LUC7L: variants seen among roughly 807,000 people sequenced by gnomAD.
LUC7L encodes LUC7 like, also known as putative RNA-binding protein Luc7-like 1.
Under a neutral mutation model 51.1 loss-of-function variants are expected in LUC7L, and 29 were observed. That is an observed-to-expected ratio of 0.57 (90% CI 0.42 to 0.77). LUC7L has a LOEUF of 0.77. Ranked by LOEUF, LUC7L falls within the 30% of genes least tolerant of loss-of-function variation. The probability of loss-of-function intolerance (pLI) is 0.00; values close to 1 mark genes in which losing one functional copy is unlikely to be tolerated. For synonymous variants in LUC7L, 181 were observed against 180.7 expected, an observed-to-expected ratio of 1.00 and a Z score of -0.01; for missense variants, 403 against 511.9, an observed-to-expected ratio of 0.79 and a Z score of 2.05.
intron 1 of LUC7L, chr16:229,064 G>A (rs2050203192): frequency 2.8e-6 from 4 of 1,416,110 alleles, no homozygotes; most frequent in Non-Finnish European, 3.7e-6. Context: ...CCATGGCGCA[G>A]ACTCCGAGAG....
intron 5 of LUC7L, among the ~76,000 whole-genome samples, chr16:205,611 A>G (rs2049460137): frequency 3.3e-5 from 5 of 152,092 alleles, no homozygotes. Flanking sequence ...TTTTTTTGAG[A>G]CAGAGTCTCG....
At chr16:207,330 C>A (rs1436012196) in intron 4 of LUC7L, among the ~76,000 whole-genome samples, 1 of 152,006 alleles carries the variant, frequency 6.6e-6, no homozygotes, top group African/African-American at 2.4e-5. Context: ...TCAAGTGATC[C>A]TCCCACCTCA....
At chr16:223,761 C>T (rs1377362703) in intron 2 of LUC7L, among the ~76,000 whole-genome samples, 1 of 151,950 alleles carries the variant, frequency 6.6e-6, no homozygotes, top group Admixed American at 6.6e-5. Flanking sequence ...CCTCTGCCTC[C>T]CAGATTCAAG....
chr16:190,588 A>G lies in LUC7L; in HGVS notation c.777-18T>C. On this transcript the variant is annotated intron_variant, in intron 7 of 9. Transcript: ENST00000293872. The stretch of plus-strand genomic sequence containing the variant: ...ATCCCGACCTAAAAGGGGGAAAAAA[A>G]GATGAACAAGGCCAGGCATGGTGGC... 1.9e-6 allele frequency: 3 copies of G among 1,612,016 alleles called. No homozygotes were observed. The highest frequency in any genetic ancestry group is 2.5e-6 in the Non-Finnish European group (3 of 1,179,458).
At chr16:203,097 G>A (rs1378455738) in intron 5 of LUC7L, among the ~76,000 whole-genome samples, 3 of 152,166 alleles carry the variant, frequency 2.0e-5, no homozygotes, top group Non-Finnish European at 2.9e-5. Context: ...GTTGCAGCGA[G>A]CCATCGCACC....
chr16:221,934 C>T (rs1160955639), intron 2 of LUC7L, among the ~76,000 whole-genome samples: 2 of 152,076 alleles, frequency 1.3e-5, no homozygotes, highest in Non-Finnish European at 2.9e-5. Flanking sequence ...CAGGCTGGTT[C>T]GTAGCCAAAT....
chr16:215,905 C>T (rs951450478), intron 3 of LUC7L, among the ~76,000 whole-genome samples: 2 of 152,054 alleles, frequency 1.3e-5, no homozygotes, highest in African/African-American at 4.8e-5. Flanking sequence ...GAAACATGTT[C>T]TTCAGGCAAA....
intron 3 of LUC7L, among the ~76,000 whole-genome samples, chr16:211,254 C>T (rs577219412): frequency 2.0e-4 from 30 of 152,232 alleles, no homozygotes; most frequent in African/African-American, 5.3e-4. Context: ...AAACTCTAGA[C>T]GTCTAATTGC....
chr16:193,091 T>G, intron 6 of LUC7L, 76 bp from the exon 7 acceptor site: 3 of 1,089,200 alleles, frequency 2.8e-6, no homozygotes, highest in South Asian at 2.5e-5. Context: ...ACAAATCACC[T>G]TTATATGAGC....
chr16:191,628 T>C (rs1333404802), intron 7 of LUC7L, among the ~76,000 whole-genome samples: 2 of 152,112 alleles, frequency 1.3e-5, no homozygotes, highest in African/African-American at 4.8e-5. Context: ...AGGCAGATCA[T>C]GAGGTCAACA....
At chr16:193,991 G>C (rs557740792) in intron 6 of LUC7L, among the ~76,000 whole-genome samples, 1 of 151,894 alleles carries the variant, frequency 6.6e-6, no homozygotes, top group Admixed American at 6.6e-5. Context: ...TTTTAGTAGA[G>C]ACAGAGTTTC....
chr16:210,641 G>A (rs146388299), intron 3 of LUC7L, among the ~76,000 whole-genome samples: 1 of 152,068 alleles, frequency 6.6e-6, no homozygotes, highest in Non-Finnish European at 1.5e-5. Flanking sequence ...TCACTCGAGG[G>A]GTCAAATGGG....
rs770819515 is a variant in LUC7L, at chr16:208,207, A to T, written c.256-19T>A. The T allele has an allele frequency of 6.5e-7, 1 of 1,539,526 alleles. No individual in the cohort carries two copies. Among genetic ancestry groups the T allele is most frequent in the South Asian group, 1.1e-5 (1 of 89,548 alleles). On this transcript the variant is annotated intron_variant, in intron 3 of 9. Transcript: ENST00000293872. ...CCATTGCCTAGCACGGGAAAAGCAC[A>T]GCGCTATAATCAATGATGTGTAAAG... is the stretch of plus-strand genomic sequence containing the variant.
chr16:221,462 G>C (rs1736890067), intron 2 of LUC7L, among the ~76,000 whole-genome samples: 1 of 152,140 alleles, frequency 6.6e-6, no homozygotes, highest in Non-Finnish European at 1.5e-5. Context: ...AGCACTTTGG[G>C]AGGGTGAGGC....
Position 199,166 on chromosome 16 carries a change from C to A in LUC7L, c.583G>T (p.Ala195Ser). 1 of 1,612,718 alleles carries A rather than the reference C, an allele frequency of 6.2e-7. No individual in the cohort carries two copies. Among genetic ancestry groups the A allele is most frequent in the Non-Finnish European group, 8.5e-7 (1 of 1,178,792 alleles). The change falls in exon 6 of 10, where the codon GCC (alanine) becomes TCC (serine). Residue 195 changes from alanine (A) to serine (S), a missense_variant. Ala to Ser is a moderately conservative substitution (Grantham distance 99, BLOSUM62 1). Around this residue, in one of 3 missense-constraint regions of LUC7L, gnomAD observed 182 missense variants for 248.4 expected, o/e 0.73. Transcript: ENST00000293872. Reference protein sequence around the residue: ...QKLRVCEVCSAYLGLHDNDRR... With the variant: ...QKLRVCEVCSSYLGLHDNDRR... ...TCATTGTCATGGAGACCAAGGTAGG[C>A]TGAACAGACCTCGCAGACACGCAGC...
chr16:205,939 T>C, intron 5 of LUC7L, 65 bp downstream of exon 5: 2 of 1,553,742 alleles, frequency 1.3e-6, no homozygotes, highest in Non-Finnish European at 1.7e-6. Flanking sequence ...GCTCAATTAA[T>C]TCCAACGGTC....
intron 5 of LUC7L, among the ~76,000 whole-genome samples, chr16:200,246 C>T (rs1456464732): frequency 6.6e-6 from 1 of 151,778 alleles, no homozygotes; most frequent in Non-Finnish European, 1.5e-5. Context: ...CACGGTGAAA[C>T]CCCGTCTCTA....
intron 7 of LUC7L, 143 bp downstream of exon 7, chr16:192,784 T>G: frequency 1.4e-6 from 1 of 735,056 alleles, no homozygotes; most frequent in East Asian, 2.5e-5. Flanking sequence ...ATTACAGGCG[T>G]GAGCCGCCAG....
chr16:229,090 A>T, intron 1 of LUC7L, 189 bp downstream of exon 1: 1 of 1,410,710 alleles, frequency 7.1e-7, no homozygotes. Context: ...CCCGACCTGG[A>T]CCCACGGCCG....
Sources: allele counts gnomAD v4.1 joint callset (sites outside exome capture counted in the v4.1 genomes callset), GRCh38; gene constraint gnomAD v4.1.1; regional missense constraint gnomAD v4.1.1; transcripts MANE v1.5; gene names NCBI Gene and HGNC (gene_info 2026-07-23, HGNC 2026-07-21).